The following BMPER variants were observed in gnomAD, a reference collection of about 807,000 sequenced individuals.
BMPER encodes BMP-binding endothelial regulator protein.
BMPER carries 45 observed loss-of-function variants against 87.3 expected under a neutral mutation model. The ratio of observed to expected loss-of-function variants is 0.52; its 90% CI spans 0.41 to 0.66. The LOEUF (loss-of-function observed/expected upper bound fraction) is 0.66, where lower values mean the gene tolerates loss of function less well. Among genes scored for constraint, BMPER ranks in the 30% least tolerant of loss-of-function variants. The probability of loss-of-function intolerance (pLI) is 0.00; values close to 1 mark genes in which losing one functional copy is unlikely to be tolerated. For synonymous variants in BMPER, 326 were observed against 316.2 expected (o/e 1.03, Z -0.33); for missense variants, 784 against 867.5 (o/e 0.90, Z 1.21).
chr7:34,046,773 T>C (rs1237095066), intron 7 of BMPER, among the ~76,000 whole-genome samples: 1 of 152,144 alleles, frequency 6.6e-6, no homozygotes, highest in African/African-American at 2.4e-5. Flanking sequence ...TATAGACTAG[T>C]GTTACTTTCA....
Position 34,006,333 on chromosome 7 carries a change from G to C in BMPER, c.576+31549G>C, listed in dbSNP as rs550668867. ...GTTCTTAAATTCTGAGAGAGATTTT[G>C]GTTTATGTCTTCTTAAGGACTAGGT... On this transcript the variant is annotated intron_variant, in intron 6 of 14. Coordinates refer to ENST00000649409, the MANE Select transcript of BMPER (RefSeq NM_001365308.1). Among the ~76,000 whole-genome samples, 10 of 152,016 alleles carry C rather than the reference G, an allele frequency of 6.6e-5. No individual in the cohort carries two copies. The East Asian group carries it at 1.9e-3, about 29-fold the overall frequency.
In BMPER at chr7:34,153,469, A is replaced by AT. The variant is rs1311927467; in HGVS notation, c.*202dup. On this transcript the variant is annotated 3_prime_UTR_variant, in exon 15 of 15. Coordinates refer to ENST00000649409, the MANE Select transcript of BMPER (RefSeq NM_001365308.1). ...ACTATAGGGGGATTATTATATGTAT[A>AT]TTTTTTGCTATAAGACATGTATTGT... 1.7e-5 allele frequency: 10 copies of AT among 605,094 alleles called. No individual in the cohort carries two copies. The highest frequency in any genetic ancestry group is 3.7e-5 in the African/African-American group (2 of 54,056). The allele number at this position is 605,094 out of a possible 1,614,324, so 37.5% of individuals were successfully genotyped here.
At chr7:34,011,122 G>A (rs921280278) in intron 6 of BMPER, among the ~76,000 whole-genome samples, 2 of 151,762 alleles carry the variant, frequency 1.3e-5, no homozygotes, top group African/African-American at 4.8e-5. Context: ...CATGATTCTA[G>A]TAAGGCTACC....
intron 2 of BMPER, among the ~76,000 whole-genome samples, chr7:33,914,090 G>A (rs1429766362): frequency 6.6e-6 from 1 of 151,440 alleles, no homozygotes; most frequent in Non-Finnish European, 1.5e-5. Flanking sequence ...GCCCTCCCGA[G>A]TAGCTGGGAC....
chr7:34,129,592 G>GAGAGAGAGAGAA (rs1562761884), intron 13 of BMPER, among the ~76,000 whole-genome samples: 2 of 128,958 alleles, frequency 1.6e-5, no homozygotes, highest in African/African-American at 6.3e-5. Context: ...GAGAGAGAGA[G>GAGAGAGAGAGAA]AGAGAGAGAG....
intron 14 of BMPER, among the ~76,000 whole-genome samples, chr7:34,148,510 C>T (rs1348527360): frequency 2.0e-5 from 3 of 146,402 alleles, no homozygotes; most frequent in Non-Finnish European, 4.5e-5. Context: ...TAAGAGACTG[C>T]CTGGCACATA....
intron 11 of BMPER, among the ~76,000 whole-genome samples, chr7:34,062,958 C>T: frequency 6.6e-6 from 1 of 152,162 alleles, no homozygotes; most frequent in Middle Eastern, 3.2e-3. Context: ...TGAAAACTGT[C>T]TGAGACTGTA....
intron 2 of BMPER, among the ~76,000 whole-genome samples, chr7:33,914,453 G>A (rs557965535): frequency 2.2e-3 from 333 of 152,278 alleles, no homozygotes; most frequent in African/African-American, 7.5e-3. Context: ...TGAGAAGTCT[G>A]GCCAATGTCA....
At chr7:33,937,053 C>T (rs1357821863) in intron 2 of BMPER, among the ~76,000 whole-genome samples, 1 of 152,128 alleles carries the variant, frequency 6.6e-6, no homozygotes, top group Non-Finnish European at 1.5e-5. Context: ...GTGAAGCTGG[C>T]TTTGTAAAGA....
chr7:33,974,617 A>G, intron 5 of BMPER, 85 bp from the exon 6 acceptor site: 3 of 1,342,228 alleles, frequency 2.2e-6, no homozygotes, highest in Non-Finnish European at 1.1e-6. Context: ...GAGGTGGGCA[A>G]CGGATGAACT....
At chr7:34,149,572 T>C (rs1791117622) in intron 14 of BMPER, among the ~76,000 whole-genome samples, 1 of 151,914 alleles carries the variant, frequency 6.6e-6, no homozygotes, top group African/African-American at 2.4e-5. Context: ...GAGAAAACAA[T>C]GTCGGGGGGA....
chr7:34,030,647 G>C (rs1037606962), intron 6 of BMPER, among the ~76,000 whole-genome samples: 1 of 151,634 alleles, frequency 6.6e-6, no homozygotes, highest in Non-Finnish European at 1.5e-5. Flanking sequence ...TTTCGAGATG[G>C]GGTCTTCTCT....
rs566547880 is a variant in BMPER at position 33,950,346 on chromosome 7, C to G, written c.319+12958C>G. 2.0e-5 allele frequency among the ~76,000 whole-genome samples: 3 copies of G among 152,250 alleles called. No homozygotes were observed. The East Asian group carries it at 5.8e-4, about 29-fold the overall frequency. ...CAGAGCTTCCTTCTGCTGCTGATGG[C>G]CAGCGTACTAGTTTTCTATTGATAG... is the stretch of plus-strand genomic sequence containing the variant. On this transcript the variant is annotated intron_variant, in intron 3 of 14. Transcript: ENST00000649409.
intron 13 of BMPER, among the ~76,000 whole-genome samples, chr7:34,126,682 C>T (rs916981480): frequency 2.6e-5 from 4 of 152,144 alleles, no homozygotes; most frequent in African/African-American, 7.2e-5. Context: ...TTACTTTCTT[C>T]CCCAGTGTGT....
chr7:34,087,170 T>C (rs7790026), intron 13 of BMPER, among the ~76,000 whole-genome samples: 52,584 of 152,022 alleles, frequency 0.35, 10,005 homozygotes, highest in African/African-American at 0.51. Context: ...AACATGGCTG[T>C]ATGTGCCAAA....
intron 6 of BMPER, among the ~76,000 whole-genome samples, chr7:34,023,474 G>C (rs1470170082): frequency 6.6e-6 from 1 of 152,006 alleles, no homozygotes; most frequent in Non-Finnish European, 1.5e-5. Flanking sequence ...CAGCTCCTCT[G>C]AGCTATCTGT....
intron 6 of BMPER, among the ~76,000 whole-genome samples, chr7:34,020,696 A>T (rs182654079): frequency 6.6e-6 from 1 of 151,954 alleles, no homozygotes. Context: ...GGATGACTGG[A>T]CTGAATTATC....
At chr7:34,032,965 C>T (rs952335815) in intron 6 of BMPER, among the ~76,000 whole-genome samples, 2 of 152,118 alleles carry the variant, frequency 1.3e-5, no homozygotes, top group African/African-American at 2.4e-5. Flanking sequence ...CAAACCAGGT[C>T]AAAGGCTCAG....
intron 6 of BMPER, among the ~76,000 whole-genome samples, chr7:34,043,519 C>T (rs1787884537): frequency 6.6e-6 from 1 of 152,148 alleles, no homozygotes; most frequent in African/African-American, 2.4e-5. Flanking sequence ...AAGAAAAAGG[C>T]AACCGATTTT....
Sources: allele counts gnomAD v4.1 joint callset (sites outside exome capture counted in the v4.1 genomes callset), GRCh38; gene constraint gnomAD v4.1.1; transcripts MANE v1.5; gene names NCBI Gene and HGNC (gene_info 2026-07-23, HGNC 2026-07-21).